Variants in ZNF600 observed in about 807,000 individuals in gnomAD.
ZNF600 encodes the protein zinc finger protein KR-ZNF1.
A neutral mutation model predicts 7.3 loss-of-function variants in ZNF600; 4 were observed. The observed-to-expected ratio is 0.55, with a 90% CI of 0.27 to 1.25. ZNF600 has a LOEUF of 1.25. Ranked by LOEUF, ZNF600 falls within the 50% of genes most tolerant of loss-of-function variation. The pLI is 0.12. For missense variants in ZNF600, 911 were observed against 922.1 expected (o/e 0.99, Z 0.16); for synonymous variants, 290 against 308.9 (o/e 0.94, Z 0.64).
the ZNF600 span, among the ~76,000 whole-genome samples, chr19:52,823,405 G>A: frequency 2.0e-5 from 3 of 152,066 alleles, no homozygotes; most frequent in East Asian, 3.9e-4. Flanking sequence ...CAGTAGACAC[G>A]GGGTTTCACC....
the ZNF600 span, chr19:52,800,430 C>T: frequency 1.2e-6 from 2 of 1,613,484 alleles, no homozygotes; most frequent in Non-Finnish European, 1.7e-6. Context: ...AACTTTGTCA[C>T]ATTCTTCACA....
chr19:52,801,183 C>T, the ZNF600 span: 3 of 1,614,032 alleles, frequency 1.9e-6, no homozygotes, highest in South Asian at 3.3e-5. Flanking sequence ...AAAGGATTTG[C>T]CACTCTCAAT....
At chr19:52,820,159 G>A in the ZNF600 span, among the ~76,000 whole-genome samples, 2 of 99,630 alleles carry the variant, frequency 2.0e-5, no homozygotes, top group South Asian at 6.7e-4. Context: ...CGTCCAGGCC[G>A]GACTGCGGAC....
chr19:52,778,874 T>A, exon 2 of ZNF600: 1 of 1,605,880 alleles, frequency 6.2e-7, no homozygotes, highest in Non-Finnish European at 8.5e-7. Flanking sequence ...TCTGAGCTGC[T>A]TCTTCACATA....
At chr19:52,800,278 A>G in the ZNF600 span, 1 of 1,607,050 alleles carries the variant, frequency 6.2e-7, no homozygotes, top group Non-Finnish European at 8.5e-7. Context: ...TTACACATGT[A>G]TGGTTTCTCT....
the ZNF600 span, chr19:52,810,386 C>A: frequency 6.2e-7 from 1 of 1,605,022 alleles, no homozygotes; most frequent in African/African-American, 1.3e-5. Flanking sequence ...GTGGTTCAGT[C>A]AACCACGTTA....
At chr19:52,801,763 T>A in the ZNF600 span, 1 of 1,422,852 alleles carries the variant, frequency 7.0e-7, no homozygotes. Context: ...AATACTGAAA[T>A]GTGTAAATAT....
At chr19:52,822,074 CTTTTTTTT>C in the ZNF600 span, among the ~76,000 whole-genome samples, 1 of 78,696 alleles carries the variant, frequency 1.3e-5, no homozygotes, top group Non-Finnish European at 2.5e-5. Flanking sequence ...TTCTTTTTCC[CTTTTTTTT>C]TTTTTTTTTT....
chr19:52,801,096 T>G, the ZNF600 span: 17 of 1,614,194 alleles, frequency 1.1e-5, no homozygotes, highest in African/African-American at 1.6e-4. Flanking sequence ...ATTAAATACC[T>G]TGCCATATAC....
At chr19:52,768,276 G>C (rs2062605013) in intron 3 of ZNF600, among the ~76,000 whole-genome samples, 1 of 151,488 alleles carries the variant, frequency 6.6e-6, no homozygotes, top group Admixed American at 6.6e-5. Context: ...ACCGAGAAGA[G>C]AAGATTACAA....
chr19:52,817,905 G>T, the ZNF600 span: 3 of 1,608,966 alleles, frequency 1.9e-6, no homozygotes, highest in East Asian at 2.2e-5. Context: ...GTTTCTGAAA[G>T]GAAGGAGACA....
chr19:52,817,807 A>C, the ZNF600 span: 1 of 1,544,250 alleles, frequency 6.5e-7, no homozygotes, highest in Non-Finnish European at 8.8e-7. Flanking sequence ...AGATGAGATG[A>C]ACTGAAGGAA....
At chr19:52,816,853 A>AATAATC in the ZNF600 span, among the ~76,000 whole-genome samples, 1 of 142,424 alleles carries the variant, frequency 7.0e-6, no homozygotes, top group Non-Finnish European at 1.6e-5. Context: ...TAATAATAAT[A>AATAATC]ATAATAATAA....
the ZNF600 span, chr19:52,800,902 C>G: frequency 6.2e-7 from 1 of 1,613,990 alleles, no homozygotes; most frequent in African/African-American, 1.3e-5. Context: ...TTATGTGTTT[C>G]AAGGTGTGAT....
chr19:52,787,022 G>A (rs537540687), upstream of ZNF600, among the ~76,000 whole-genome samples: 150 of 152,390 alleles, frequency 9.8e-4, no homozygotes, highest in Admixed American at 1.7e-3. Context: ...ATGCAAACTA[G>A]AATGTGAAAT....
the ZNF600 span, among the ~76,000 whole-genome samples, chr19:52,819,010 A>T: frequency 7.0e-6 from 1 of 143,630 alleles, no homozygotes; most frequent in East Asian, 2.0e-4. Flanking sequence ...CATGGGAGAC[A>T]GCTCTGAGCC....
At chr19:52,813,707 T>C in the ZNF600 span, among the ~76,000 whole-genome samples, 14 of 144,912 alleles carry the variant, frequency 9.7e-5, 3 homozygotes, top group African/African-American at 3.5e-4. Flanking sequence ...GTGTTGAGTG[T>C]CTTTGTTTAC....
At chr19:52,821,188 A>G in the ZNF600 span, among the ~76,000 whole-genome samples, 7 of 151,908 alleles carry the variant, frequency 4.6e-5, no homozygotes, top group Non-Finnish European at 1.0e-4. Flanking sequence ...CCAGGACCAC[A>G]GAACGCAGCC....
At chr19:52,792,833 T>C in the ZNF600 span, among the ~76,000 whole-genome samples, 1 of 151,590 alleles carries the variant, frequency 6.6e-6, no homozygotes, top group African/African-American at 2.4e-5. Flanking sequence ...CCCAGCTTCA[T>C]GCCATTCTCC....
Sources: allele counts gnomAD v4.1 joint callset (sites outside exome capture counted in the v4.1 genomes callset), GRCh38; gene constraint gnomAD v4.1.1; transcripts MANE v1.5; gene names NCBI Gene and HGNC (gene_info 2026-07-23, HGNC 2026-07-21).